The following OXR1 variants were observed in gnomAD, a reference collection of about 807,000 sequenced individuals.
OXR1 encodes oxidation resistance protein 1.
In OXR1, 41 loss-of-function variants were observed where a neutral mutation model predicts 104.6. That is an observed-to-expected ratio of 0.39 (90% CI 0.31 to 0.51). The LOEUF is 0.51. Among genes scored for constraint, OXR1 ranks in the 20% least tolerant of loss-of-function variants. The pLI, the probability that OXR1 is intolerant of heterozygous loss-of-function variation, is 0.77. For missense variants in OXR1, 955 were observed against 1,031.9 expected, an observed-to-expected ratio of 0.93 and a Z score of 1.02; for synonymous variants, 348 against 348.4, an observed-to-expected ratio of 1.00 and a Z score of 0.01.
intron 2 of OXR1, among the ~76,000 whole-genome samples, chr8:106,422,342 C>T (rs900685359): frequency 5.9e-5 from 9 of 151,848 alleles, no homozygotes; most frequent in African/African-American, 9.7e-5. Context: ...CATGTGATCC[C>T]AATGGGAAAT....
At chr8:106,448,057 G>A (rs1820099279) in intron 2 of OXR1, 2 of 1,535,732 alleles carry the variant, frequency 1.3e-6, no homozygotes. Flanking sequence ...GGGTAGGTGG[G>A]ATCTATCAGC....
chr8:106,274,261 C>G (rs1171321831), intron 1 of OXR1, among the ~76,000 whole-genome samples: 1 of 152,190 alleles, frequency 6.6e-6, no homozygotes, highest in East Asian at 1.9e-4. Flanking sequence ...AGGAACAATA[C>G]CTTACACTCA....
rs535606194 is a variant in OXR1, at chr8:106,726,064, G to T, written c.1957-11456G>T. 1.1e-4 allele frequency: 99 copies of T among 870,318 alleles called. 2 individuals are homozygous for T. The East Asian group carries it at 3.2e-3, about 28-fold the overall frequency. The allele number at this position is 870,318 out of a possible 1,614,324, so 53.9% of individuals were successfully genotyped here. ...ACAGCCTCCACTCAGGACTATCATTGCTATGGATACTACTTAGTGATTAGC... is the reference window on the plus strand; with the variant it reads ...ACAGCCTCCACTCAGGACTATCATTTCTATGGATACTACTTAGTGATTAGC... On this transcript the variant is annotated intron_variant, in intron 11 of 16. Transcript: ENST00000517566.
intron 3 of OXR1, among the ~76,000 whole-genome samples, chr8:106,519,667 G>T (rs1330716060): frequency 6.6e-6 from 1 of 152,150 alleles, no homozygotes; most frequent in African/African-American, 2.4e-5. Context: ...GGTCTATTTT[G>T]ACCTTGCACC....
chr8:106,469,009 T>TGTG (rs1163535350), intron 2 of OXR1, among the ~76,000 whole-genome samples: 3 of 99,728 alleles, frequency 3.0e-5, no homozygotes, highest in Admixed American at 2.7e-4. Flanking sequence ...TGTTTGTTTG[T>TGTG]GTGTTGTTGT....
chr8:106,542,597 G>T (rs1186100256), intron 3 of OXR1, among the ~76,000 whole-genome samples: 2 of 151,972 alleles, frequency 1.3e-5, no homozygotes, highest in Admixed American at 1.3e-4. Flanking sequence ...TTCCAGTACG[G>T]GTTAGGCACC....
intron 6 of OXR1, among the ~76,000 whole-genome samples, chr8:106,690,074 TA>T (rs1829127360): frequency 6.6e-6 from 1 of 150,962 alleles, no homozygotes. Context: ...TTATATGTTA[TA>T]TATAAAACAT....
chr8:106,461,091 G>A (rs1202352467), intron 2 of OXR1, among the ~76,000 whole-genome samples: 2 of 152,088 alleles, frequency 1.3e-5, no homozygotes, highest in South Asian at 2.1e-4. Flanking sequence ...TTATTCAAGA[G>A]CAGTTAGATT....
chr8:106,465,668 A>G (rs1821136097), intron 2 of OXR1, among the ~76,000 whole-genome samples: 1 of 151,966 alleles, frequency 6.6e-6, no homozygotes, highest in African/African-American at 2.4e-5. Context: ...AGTGTAAGAA[A>G]AAGAGAAAGA....
intron 2 of OXR1, among the ~76,000 whole-genome samples, chr8:106,496,686 G>T (rs897007076): frequency 2.6e-5 from 4 of 152,222 alleles, no homozygotes; most frequent in African/African-American, 9.6e-5. Flanking sequence ...GAGAGGAAGG[G>T]CCTGGAAGCC....
chr8:106,699,592 C>A (rs1361653513), intron 7 of OXR1, among the ~76,000 whole-genome samples: 2 of 152,114 alleles, frequency 1.3e-5, no homozygotes, highest in Non-Finnish European at 2.9e-5. Context: ...TAGTTTTAGG[C>A]AGCATTAGTT....
intron 11 of OXR1, among the ~76,000 whole-genome samples, chr8:106,727,565 G>A (rs1032502231): frequency 5.9e-5 from 9 of 151,988 alleles, no homozygotes; most frequent in Admixed American, 4.6e-4. Context: ...CTGCAAGCAT[G>A]CACCACCACA....
intron 2 of OXR1, among the ~76,000 whole-genome samples, chr8:106,493,813 C>T (rs941444350): frequency 2.0e-5 from 3 of 152,046 alleles, no homozygotes; most frequent in African/African-American, 7.2e-5. Flanking sequence ...GGAATGAAGG[C>T]TAATTTAGTA....
chr8:106,718,231 C>T (rs147938269), intron 11 of OXR1, among the ~76,000 whole-genome samples: 2 of 152,272 alleles, frequency 1.3e-5, no homozygotes, highest in East Asian at 3.9e-4. Flanking sequence ...AGTTCATAAA[C>T]TATGGCACCC....
chr8:106,520,534 CCT>C (rs530429349), intron 3 of OXR1: 48 of 152,314 alleles, frequency 3.2e-4, no homozygotes, highest in African/African-American at 1.1e-3. Flanking sequence ...TCTCAGGCTT[CCT>C]TTTTCCAGAT....
intron 11 of OXR1, among the ~76,000 whole-genome samples, chr8:106,725,191 G>A (rs1833209862): frequency 6.6e-6 from 1 of 152,072 alleles, no homozygotes; most frequent in Non-Finnish European, 1.5e-5. Flanking sequence ...GGGGGAGGTA[G>A]GGTGTTACTG....
intron 3 of OXR1, among the ~76,000 whole-genome samples, chr8:106,671,078 G>A (rs1276467892): frequency 2.6e-5 from 3 of 115,564 alleles, no homozygotes; most frequent in East Asian, 2.2e-4. Context: ...GGCTGAAAAC[G>A]TCCAAACTAA....
At position 106,450,270 on chromosome 8, in the gene OXR1, T is replaced by G. The variant is rs952221623; in HGVS notation, c.24-68673T>G. Among the ~76,000 whole-genome samples, 6 of 152,276 alleles carry G rather than the reference T, an allele frequency of 3.9e-5. No individual in the cohort carries two copies. The South Asian group carries it at 1.2e-3, about 32-fold the overall frequency. On this transcript the variant is annotated intron_variant, in intron 2 of 16. Coordinates refer to ENST00000517566, the MANE Select transcript of OXR1 (RefSeq NM_001198533.2). Reference sequence around the variant, plus strand: ...TAGTGATTAAGTGATCAAAATTATGTCTGGATGCCTCCCAAGTACACATTT... The same window carrying G: ...TAGTGATTAAGTGATCAAAATTATGGCTGGATGCCTCCCAAGTACACATTT...
intron 3 of OXR1, among the ~76,000 whole-genome samples, chr8:106,627,573 T>C (rs976678347): frequency 2.6e-5 from 4 of 152,162 alleles, no homozygotes; most frequent in Non-Finnish European, 4.4e-5. Flanking sequence ...CATCAACATA[T>C]GAAGATGACA....
Sources: gnomAD v4.1 joint callset for allele counts (sites outside exome capture counted in the v4.1 genomes callset) on GRCh38, gnomAD v4.1.1 for gene constraint, MANE v1.5 for transcripts, NCBI Gene and HGNC (gene_info 2026-07-23, HGNC 2026-07-21) for gene names.